TENM2: variants seen among roughly 807,000 people sequenced by gnomAD.
TENM2 encodes the protein teneurin-2.
In TENM2, 52 loss-of-function variants were observed where a neutral mutation model predicts 245.2. The observed-to-expected ratio is 0.21, with a 90% CI of 0.17 to 0.27. TENM2 has a LOEUF of 0.27. TENM2 is among the 10% of genes least tolerant of loss of function. TENM2 has a pLI of 1.00. For missense variants in TENM2, 3,046 were observed against 3,666.8 expected (o/e 0.83, Z 4.37); for synonymous variants, 1,363 against 1,438.9 (o/e 0.95, Z 1.19).
chr5:168,094,805 G>A lies in TENM2; in HGVS notation c.1712-3221G>A, dbSNP rs999293698. On this transcript the variant is annotated intron_variant, in intron 8 of 28. Transcript: ENST00000518659. ...TGGGCCGCAGAGCAAGAGATGAGCA[G>A]TAGGTGAGCAAGTGAAGCTTTATCT... Among the ~76,000 whole-genome samples the A allele has an allele frequency of 2.0e-4, 30 of 152,148 alleles. 1 individual carries two copies. Among genetic ancestry groups the A allele is most frequent in the Non-Finnish European group, 8.8e-5 (6 of 68,028 alleles).
At chr5:167,385,479 A>G (rs1261420893) in intron 2 of TENM2, among the ~76,000 whole-genome samples, 1 of 144,060 alleles carries the variant, frequency 6.9e-6, no homozygotes, top group African/African-American at 2.6e-5. Context: ...TTTGGAGTAT[A>G]TTGTGGGGTT....
intron 5 of TENM2, among the ~76,000 whole-genome samples, chr5:168,024,298 T>C (rs1328213386): frequency 6.6e-6 from 1 of 152,174 alleles, no homozygotes; most frequent in Non-Finnish European, 1.5e-5. Flanking sequence ...TTGGAGCTCC[T>C]GCGTGCAGGG....
At chr5:167,312,987 C>A (rs1203297158) in intron 1 of TENM2, among the ~76,000 whole-genome samples, 1 of 151,712 alleles carries the variant, frequency 6.6e-6, no homozygotes, top group Non-Finnish European at 1.5e-5. Flanking sequence ...ACTGCAACCT[C>A]TGCTTCCTGG....
rs1756375808 is a variant in TENM2, at chr5:167,316,568, C to T, written c.226+31505C>T. 3.9e-5 allele frequency among the ~76,000 whole-genome samples: 6 copies of T among 152,286 alleles called. No homozygotes were observed. The South Asian group carries it at 1.2e-3, about 32-fold the overall frequency. ...AGGTATGAGTATCCATACATGTTTA[C>T]TTGTGCATGTGTGTATACGCATACA... On this transcript the variant is annotated intron_variant, in intron 1 of 28. Coordinates refer to ENST00000518659, the Ensembl canonical transcript of TENM2.
intron 3 of TENM2, among the ~76,000 whole-genome samples, chr5:167,877,646 A>G (rs1178349830): frequency 2.0e-5 from 3 of 152,178 alleles, no homozygotes; most frequent in African/African-American, 7.2e-5. Context: ...CCGCGGAACA[A>G]TGACACTGTA....
At chr5:166,996,348 C>A in the TENM2 span, among the ~76,000 whole-genome samples, 1 of 152,044 alleles carries the variant, frequency 6.6e-6, no homozygotes, top group South Asian at 2.1e-4. Context: ...GTCTCAAAAA[C>A]AAAATAAAAC....
chr5:168,231,354 A>G (rs1476614342), intron 25 of TENM2, among the ~76,000 whole-genome samples: 1 of 152,258 alleles, frequency 6.6e-6, no homozygotes, highest in African/African-American at 2.4e-5. Flanking sequence ...AGGCAGAGAT[A>G]GGGAACAGAG....
exon 2 of TENM2, chr5:167,375,344 C>A: frequency 6.4e-7 from 1 of 1,551,664 alleles, no homozygotes; most frequent in Non-Finnish European, 8.7e-7. Context: ...AGGGATGTCT[C>A]CAGAACACGC....
chr5:167,374,134 A>G (rs1760603848), intron 1 of TENM2, among the ~76,000 whole-genome samples: 1 of 152,200 alleles, frequency 6.6e-6, no homozygotes, highest in African/African-American at 2.4e-5. Flanking sequence ...CATACCTAAC[A>G]TAACCTCATT....
intron 3 of TENM2, among the ~76,000 whole-genome samples, chr5:167,929,433 CAGA>C (rs1778113940): frequency 1.3e-5 from 2 of 152,186 alleles, no homozygotes; most frequent in South Asian, 2.1e-4. Flanking sequence ...ATGTTACCAT[CAGA>C]AGAAGATAGT....
chr5:167,120,298 A>G, the TENM2 span, among the ~76,000 whole-genome samples: 1 of 152,194 alleles, frequency 6.6e-6, no homozygotes, highest in Non-Finnish European at 1.5e-5. Context: ...AAAAATTAGG[A>G]GAAGGCCAAA....
intron 9 of TENM2, 78 bp downstream of exon 11, chr5:168,098,205 A>G (rs1562154788): frequency 2.0e-6 from 2 of 982,754 alleles, no homozygotes; most frequent in Non-Finnish European, 3.2e-6. Context: ...CAGAAGGGAC[A>G]TCCAAGTAGC....
chr5:167,551,224 C>T (rs1772918017), intron 2 of TENM2, among the ~76,000 whole-genome samples: 1 of 152,134 alleles, frequency 6.6e-6, no homozygotes, highest in Admixed American at 6.6e-5. Flanking sequence ...GTGCTTATTA[C>T]GTCAGAAAAT....
At chr5:167,170,063 C>T in the TENM2 span, among the ~76,000 whole-genome samples, 2 of 152,220 alleles carry the variant, frequency 1.3e-5, no homozygotes, top group South Asian at 4.1e-4. Flanking sequence ...AACTCACACA[C>T]ACTCCTGCTC....
At chr5:167,771,510 T>A (rs1315030584) in intron 2 of TENM2, among the ~76,000 whole-genome samples, 1 of 152,188 alleles carries the variant, frequency 6.6e-6, no homozygotes, top group African/African-American at 2.4e-5. Context: ...AGGGTTTTGT[T>A]TGTTATTTTG....
chr5:167,612,450 G>C (rs1777536372), intron 2 of TENM2, among the ~76,000 whole-genome samples: 1 of 151,924 alleles, frequency 6.6e-6, no homozygotes, highest in African/African-American at 2.4e-5. Flanking sequence ...TAAAAAAAAG[G>C]CTCAGGAATG....
intron 1 of TENM2, among the ~76,000 whole-genome samples, chr5:167,360,802 A>G (rs1313900068): frequency 6.6e-6 from 1 of 152,108 alleles, no homozygotes; most frequent in Non-Finnish European, 1.5e-5. Flanking sequence ...GAATGAGAAG[A>G]CTGGAGATTG....
chr5:167,228,773 C>T, the TENM2 span, among the ~76,000 whole-genome samples: 22 of 151,530 alleles, frequency 1.5e-4, no homozygotes, highest in Non-Finnish European at 2.9e-4. Context: ...GGCGCAATCT[C>T]GGCTCACTGC....
chr5:168,201,472 G>A (rs1025731301), intron 17 of TENM2, among the ~76,000 whole-genome samples: 2 of 151,942 alleles, frequency 1.3e-5, no homozygotes, highest in Non-Finnish European at 1.5e-5. Context: ...GATGAGGCCT[G>A]TTTTTCCATA....
Sources: allele counts gnomAD v4.1 joint callset (sites outside exome capture counted in the v4.1 genomes callset), GRCh38; gene constraint gnomAD v4.1.1; transcripts MANE v1.5; gene names NCBI Gene and HGNC (gene_info 2026-07-23, HGNC 2026-07-21).